JAZF1: variants seen among roughly 807,000 people sequenced by gnomAD.
JAZF1 encodes juxtaposed with another zinc finger protein 1.
In JAZF1, 8 loss-of-function variants were observed where a neutral mutation model predicts 26.4. The observed-to-expected ratio is 0.30, with a 90% CI of 0.18 to 0.55. JAZF1 has a LOEUF of 0.55. Among genes scored for constraint, JAZF1 ranks in the 20% least tolerant of loss-of-function variants. The probability of loss-of-function intolerance (pLI) is 0.94; values close to 1 mark genes in which losing one functional copy is unlikely to be tolerated. For synonymous variants in JAZF1, 126 were observed against 122.3 expected (o/e 1.03, Z -0.20); for missense variants, 199 against 322.0 (o/e 0.62, Z 2.92).
At chr7:28,118,876 A>G (rs1784793340) in intron 1 of JAZF1, among the ~76,000 whole-genome samples, 1 of 152,200 alleles carries the variant, frequency 6.6e-6, no homozygotes, top group South Asian at 2.1e-4. Flanking sequence ...CTCATTCATT[A>G]GACACAAATT....
chr7:28,130,114 G>T (rs1169811271), intron 1 of JAZF1, among the ~76,000 whole-genome samples: 1 of 152,028 alleles, frequency 6.6e-6, no homozygotes, highest in Admixed American at 6.6e-5. Context: ...TTGTATTGAG[G>T]CAGAGTTTAT....
intron 1 of JAZF1, among the ~76,000 whole-genome samples, chr7:28,086,102 A>C (rs1784208651): frequency 2.0e-5 from 3 of 152,212 alleles, no homozygotes; most frequent in South Asian, 4.1e-4. Context: ...CCACTCCTAA[A>C]TTATAATTCA....
intron 3 of JAZF1, among the ~76,000 whole-genome samples, chr7:27,855,552 A>T (rs1190869177): frequency 6.6e-5 from 10 of 152,240 alleles, no homozygotes; most frequent in Admixed American, 5.9e-4. Flanking sequence ...TTCCACAGAA[A>T]TACAAACTAC....
At chr7:28,069,437 A>G (rs1161313942) in intron 1 of JAZF1, among the ~76,000 whole-genome samples, 3 of 152,236 alleles carry the variant, frequency 2.0e-5, no homozygotes, top group Non-Finnish European at 4.4e-5. Context: ...TTCACTAAAG[A>G]TAGTCTTAAG....
chr7:27,874,811 G>C (rs959066128), intron 3 of JAZF1, among the ~76,000 whole-genome samples: 1 of 152,164 alleles, frequency 6.6e-6, no homozygotes, highest in African/African-American at 2.4e-5. Context: ...GGGTGGGAAG[G>C]CTGGTCAATA....
intron 3 of JAZF1, among the ~76,000 whole-genome samples, chr7:27,885,035 G>C (rs1244404143): frequency 6.6e-6 from 1 of 152,192 alleles, no homozygotes; most frequent in African/African-American, 2.4e-5. Context: ...AGGGGAGGGA[G>C]TTTCAGAGAC....
At chr7:28,080,733 T>A (rs1784122176) in intron 1 of JAZF1, among the ~76,000 whole-genome samples, 1 of 152,172 alleles carries the variant, frequency 6.6e-6, no homozygotes, top group South Asian at 2.1e-4. Flanking sequence ...CATTTATTGA[T>A]TAAGTTCACC....
rs772801836 is a variant in JAZF1 at position 27,830,775 on chromosome 7, A to T, written c.*2025T>A. The stretch of plus-strand genomic sequence containing the variant: ...AGTTTTCACAGACACAGTACAATAC[A>T]TTCACTATACACAGTATAACAAAAT... On this transcript the variant is annotated 3_prime_UTR_variant, in exon 5 of 5. Transcript: ENST00000283928. 2.0e-5 allele frequency: 4 copies of T among 201,916 alleles called. No individual in the cohort carries two copies. The highest frequency in any genetic ancestry group is 3.1e-5 in the Non-Finnish European group (3 of 97,950). The allele number at this position is 201,916 out of a possible 1,614,324, so 12.5% of individuals were successfully genotyped here.
intron 4 of JAZF1, among the ~76,000 whole-genome samples, chr7:27,834,888 GAGAC>G (rs1166757030): frequency 4.6e-5 from 7 of 152,206 alleles, no homozygotes; most frequent in Non-Finnish European, 7.3e-5. Context: ...GTGTGTGAGA[GAGAC>G]AGAAAGAGAG....
intron 1 of JAZF1, among the ~76,000 whole-genome samples, chr7:28,012,344 G>A (rs192413395): frequency 6.6e-6 from 1 of 152,292 alleles, no homozygotes; most frequent in Non-Finnish European, 1.5e-5. Flanking sequence ...GGCAAAGACA[G>A]CTAATATTTC....
intron 1 of JAZF1, among the ~76,000 whole-genome samples, chr7:28,110,448 A>AAAAGG (rs147739964): frequency 2.3e-4 from 15 of 64,062 alleles, no homozygotes; most frequent in South Asian, 2.0e-3. Context: ...GAGAGAGAGA[A>AAAAGG]AAAGGAAAGG....
chr7:28,110,615 A>AAAGGAAAAGG (rs1562591151), intron 1 of JAZF1, among the ~76,000 whole-genome samples: 22 of 128,462 alleles, frequency 1.7e-4, no homozygotes, highest in Admixed American at 4.9e-4. Flanking sequence ...AAAGGAAAGG[A>AAAGGAAAAGG]AAAGGAAAGG....
intron 1 of JAZF1, among the ~76,000 whole-genome samples, chr7:28,061,062 T>C (rs981947920): frequency 1.3e-5 from 2 of 152,234 alleles, no homozygotes; most frequent in African/African-American, 4.8e-5. Context: ...CTTGGGAAGT[T>C]ATTTAAACTC....
At chr7:28,119,874 C>A (rs1784809555) in intron 1 of JAZF1, among the ~76,000 whole-genome samples, 1 of 152,198 alleles carries the variant, frequency 6.6e-6, no homozygotes, top group South Asian at 2.1e-4. Context: ...CACTAGTCCC[C>A]TACATAACTG....
intron 3 of JAZF1, among the ~76,000 whole-genome samples, chr7:27,855,404 A>AC (rs1203343241): frequency 6.6e-6 from 1 of 152,066 alleles, no homozygotes; most frequent in Non-Finnish European, 1.5e-5. Context: ...GACACAAAAA[A>AC]CCCTTCAAAA....
At chr7:28,039,256 C>T (rs1312600127) in intron 1 of JAZF1, among the ~76,000 whole-genome samples, 1 of 152,140 alleles carries the variant, frequency 6.6e-6, no homozygotes, top group Non-Finnish European at 1.5e-5. Flanking sequence ...AACACACGCA[C>T]ATGCGCACGT....
chr7:27,834,664 T>A, intron 4 of JAZF1, among the ~76,000 whole-genome samples: 1 of 152,310 alleles, frequency 6.6e-6, no homozygotes, highest in Middle Eastern at 3.4e-3. Flanking sequence ...TGGGTAGATA[T>A]GCCCTGCCAG....
chr7:27,945,024 A>G (rs1390424954), intron 2 of JAZF1, among the ~76,000 whole-genome samples: 2 of 152,116 alleles, frequency 1.3e-5, no homozygotes, highest in African/African-American at 2.4e-5. Flanking sequence ...ATGCATTATC[A>G]TCTTAAAACT....
At chr7:28,061,989 G>A (rs767131608) in intron 1 of JAZF1, among the ~76,000 whole-genome samples, 3 of 152,180 alleles carry the variant, frequency 2.0e-5, no homozygotes, top group Non-Finnish European at 2.9e-5. Context: ...GGTGAAGGAC[G>A]GAGTGGGGAA....
Sources: gnomAD v4.1 joint callset for allele counts (sites outside exome capture counted in the v4.1 genomes callset) on GRCh38, gnomAD v4.1.1 for gene constraint, MANE v1.5 for transcripts, NCBI Gene and HGNC (gene_info 2026-07-23, HGNC 2026-07-21) for gene names.